The following RYR3 variants were observed in gnomAD, a reference collection of about 807,000 sequenced individuals.
RYR3 encodes ryanodine receptor 3.
In RYR3, 207 loss-of-function variants were observed where a neutral mutation model predicts 584.3. That is an observed-to-expected ratio of 0.35 (90% confidence interval 0.32 to 0.40). RYR3 has a LOEUF of 0.40. Among genes scored for constraint, RYR3 ranks in the 10% least tolerant of loss-of-function variants. The pLI is 1.00. For synonymous variants in RYR3, 2,416 were observed against 2,248.5 expected, an observed-to-expected ratio of 1.07 and a Z score of -2.11; for missense variants, 5,616 against 6,089.2, an observed-to-expected ratio of 0.92 and a Z score of 2.59.
intron 1 of RYR3, among the ~76,000 whole-genome samples, chr15:33,387,073 G>A (rs1002467058): frequency 6.6e-6 from 1 of 151,980 alleles, no homozygotes; most frequent in Non-Finnish European, 1.5e-5. Context: ...TAGCCAGGAT[G>A]GTCTCGATCT....
intron 94 of RYR3, 22 bp from the exon 95 acceptor site, chr15:33,853,023 C>G (rs529196353): frequency 1.3e-6 from 2 of 1,596,944 alleles, no homozygotes; most frequent in Non-Finnish European, 1.7e-6. Flanking sequence ...GAAGAACCAA[C>G]CTTTTTCGTT....
chr15:33,816,088 C>A (rs1176617750), intron 74 of RYR3, among the ~76,000 whole-genome samples: 1 of 152,212 alleles, frequency 6.6e-6, no homozygotes, highest in Admixed American at 6.5e-5. Flanking sequence ...CTGTGTCCTA[C>A]CGAAAACCAT....
chr15:33,389,862 T>G (rs1048724883), intron 1 of RYR3, among the ~76,000 whole-genome samples: 1 of 152,238 alleles, frequency 6.6e-6, no homozygotes, highest in African/African-American at 2.4e-5. Context: ...ATGCAGCTAT[T>G]TCACCTTTCA....
chr15:33,799,473 G>A (rs1386199015), intron 67 of RYR3, among the ~76,000 whole-genome samples: 5 of 152,162 alleles, frequency 3.3e-5, no homozygotes, highest in African/African-American at 4.8e-5. Flanking sequence ...GTTTGGAGAC[G>A]TCCATGTTGC....
intron 27 of RYR3, among the ~76,000 whole-genome samples, chr15:33,643,382 A>G (rs1486345650): frequency 6.6e-6 from 1 of 152,236 alleles, no homozygotes; most frequent in Non-Finnish European, 1.5e-5. Flanking sequence ...ATTTATAAAT[A>G]GCCCACAAAC....
Position 33,651,263 on chromosome 15 carries a change from C to T in RYR3, c.4143-1455C>T, listed in dbSNP as rs113769627. Among the ~76,000 whole-genome samples, 782 of 152,288 alleles carry T rather than the reference C, an allele frequency of 5.1e-3. 7 individuals are homozygous for T. The highest frequency in any genetic ancestry group is 0.017 in the African/African-American group (713 of 41,558). ...TGGGCCCTTTAATGTATGACCAAAG[C>T]GAGCCACTTCACATTCCCACAGCTT... On this transcript the variant is annotated intron_variant, in intron 31 of 103. Transcript: ENST00000634891.
At chr15:33,586,861 G>T (rs1381136494) in intron 16 of RYR3, among the ~76,000 whole-genome samples, 1 of 152,056 alleles carries the variant, frequency 6.6e-6, no homozygotes, top group African/African-American at 2.4e-5. Context: ...CTGCACACAC[G>T]GGGACTATCG....
intron 40 of RYR3, among the ~76,000 whole-genome samples, chr15:33,699,485 G>A (rs372867169): frequency 5.3e-5 from 8 of 152,120 alleles, no homozygotes; most frequent in East Asian, 3.9e-4. Context: ...CATGACTTCC[G>A]AGGATGATTG....
At chr15:33,571,033 T>A (rs2058000090) in intron 12 of RYR3, among the ~76,000 whole-genome samples, 2 of 152,164 alleles carry the variant, frequency 1.3e-5, no homozygotes, top group African/African-American at 4.8e-5. Context: ...CTTTATTTTT[T>A]TCTTTCCAAT....
chr15:33,496,547 G>C (rs548881473), intron 2 of RYR3, among the ~76,000 whole-genome samples: 26 of 152,184 alleles, frequency 1.7e-4, no homozygotes, highest in Non-Finnish European at 2.8e-4. Flanking sequence ...AAAAGCAAAG[G>C]GGGGAGACAA....
intron 10 of RYR3, among the ~76,000 whole-genome samples, chr15:33,554,750 T>C (rs2056955927): frequency 6.6e-6 from 1 of 152,242 alleles, no homozygotes; most frequent in South Asian, 2.1e-4. Context: ...CATTTTTCCA[T>C]GGTCTTGACA....
intron 1 of RYR3, among the ~76,000 whole-genome samples, chr15:33,389,635 T>C (rs1286320120): frequency 6.6e-6 from 1 of 152,228 alleles, no homozygotes; most frequent in African/African-American, 2.4e-5. Context: ...TGGAAAAATA[T>C]GAAAAATATT....
chr15:33,463,392 T>A (rs1234093235), intron 1 of RYR3, among the ~76,000 whole-genome samples: 1 of 152,144 alleles, frequency 6.6e-6, no homozygotes, highest in East Asian at 1.9e-4. Context: ...ACTCACCTGC[T>A]GTGTTCTGAT....
intron 56 of RYR3, 32 bp downstream of exon 56, chr15:33,750,086 G>A: frequency 6.2e-7 from 1 of 1,608,300 alleles, no homozygotes; most frequent in Non-Finnish European, 8.5e-7. Context: ...CCCTAAAGAA[G>A]CTGAACCGGG....
intron 57 of RYR3, among the ~76,000 whole-genome samples, chr15:33,753,261 A>G (rs544651679): frequency 6.6e-6 from 1 of 152,250 alleles, no homozygotes; most frequent in African/African-American, 2.4e-5. Flanking sequence ...ATTAAATTAC[A>G]TAGTAATAAT....
intron 38 of RYR3, among the ~76,000 whole-genome samples, chr15:33,677,873 A>G (rs2064291976): frequency 6.6e-6 from 1 of 152,312 alleles, no homozygotes; most frequent in South Asian, 2.1e-4. Flanking sequence ...GTGGGCCAGT[A>G]TGACTGGGGC....
intron 45 of RYR3, among the ~76,000 whole-genome samples, chr15:33,725,783 C>T (rs1213028091): frequency 2.2e-5 from 3 of 133,678 alleles, no homozygotes; most frequent in East Asian, 4.6e-4. Flanking sequence ...CATGATGAAA[C>T]CCCGTCTCTA....
At position 33,399,127 on chromosome 15, in the gene RYR3, A is replaced by C. The variant is rs550769439; in HGVS notation, c.52-74292A>C. Among the ~76,000 whole-genome samples, 6 of 152,274 alleles carry C rather than the reference A, an allele frequency of 3.9e-5. No individual in the cohort carries two copies. The East Asian group carries it at 1.2e-3, about 29-fold the overall frequency. On this transcript the variant is annotated intron_variant, in intron 1 of 103. Transcript: ENST00000634891. Reference sequence around the variant, plus strand: ...AAGAATCCATCACACCTAGGGCCAAATCCTGGCATTACCTTTGACAAGTGA... The same window carrying C: ...AAGAATCCATCACACCTAGGGCCAACTCCTGGCATTACCTTTGACAAGTGA...
chr15:33,836,134 T>G (rs200785480), intron 87 of RYR3, among the ~76,000 whole-genome samples: 16 of 147,582 alleles, frequency 1.1e-4, no homozygotes, highest in African/African-American at 3.9e-4. Flanking sequence ...TTTTTTTTTT[T>G]CCTTTTTTCT....
Sources: allele counts gnomAD v4.1 joint callset (sites outside exome capture counted in the v4.1 genomes callset), GRCh38; gene constraint gnomAD v4.1.1; transcripts MANE v1.5; gene names NCBI Gene and HGNC (gene_info 2026-07-23, HGNC 2026-07-21).